Variants in ST6GAL2 observed in about 807,000 individuals in gnomAD.
ST6GAL2 encodes the protein beta-galactoside alpha-2,6-sialyltransferase 2.
Under a neutral mutation model 37.5 loss-of-function variants are expected in ST6GAL2, and 24 were observed. The ratio of observed to expected loss-of-function variants is 0.64; its 90% confidence interval spans 0.46 to 0.90. The LOEUF is 0.90. Ranked by LOEUF, ST6GAL2 falls within the 40% of genes least tolerant of loss-of-function variation. The probability of loss-of-function intolerance (pLI) is 0.00; values close to 1 mark genes in which losing one functional copy is unlikely to be tolerated. For synonymous variants in ST6GAL2, 306 were observed against 295.1 expected (o/e 1.04, Z -0.38); for missense variants, 715 against 712.7 (o/e 1.00, Z -0.04).
At chr2:106,850,545 C>A (rs897273873) in intron 1 of ST6GAL2, among the ~76,000 whole-genome samples, 2 of 152,196 alleles carry the variant, frequency 1.3e-5, no homozygotes, top group Non-Finnish European at 2.9e-5. Flanking sequence ...AAACCTTCTG[C>A]TGCCAATTGA....
chr2:106,883,454 T>C (rs1678833179), intron 1 of ST6GAL2, among the ~76,000 whole-genome samples: 1 of 152,204 alleles, frequency 6.6e-6, no homozygotes, highest in Admixed American at 6.5e-5. Context: ...ATATCAAAAA[T>C]TGGTGTAAGA....
intron 1 of ST6GAL2, among the ~76,000 whole-genome samples, chr2:106,845,852 A>G (rs1677122351): frequency 1.3e-5 from 2 of 152,112 alleles, no homozygotes; most frequent in African/African-American, 4.8e-5. Flanking sequence ...CTGTGGTGAT[A>G]CTATGCCAGT....
intron 1 of ST6GAL2, among the ~76,000 whole-genome samples, chr2:106,865,864 T>C (rs1678004405): frequency 2.0e-5 from 3 of 152,224 alleles, no homozygotes. Context: ...TGCTTATTCA[T>C]TTGTACACTG....
intron 1 of ST6GAL2, among the ~76,000 whole-genome samples, chr2:106,873,265 A>C (rs1350245126): frequency 6.6e-6 from 1 of 152,162 alleles, no homozygotes; most frequent in African/African-American, 2.4e-5. Context: ...CTTTAAGCTA[A>C]AGGTGTGTGT....
intron 2 of ST6GAL2, among the ~76,000 whole-genome samples, chr2:106,836,354 A>G (rs1339065334): frequency 6.6e-6 from 1 of 152,178 alleles, no homozygotes. Context: ...AGAACTGTGA[A>G]TATTCTTCTT....
intron 2 of ST6GAL2, among the ~76,000 whole-genome samples, chr2:106,840,094 C>A (rs190707993): frequency 3.9e-5 from 6 of 152,314 alleles, no homozygotes; most frequent in Admixed American, 3.9e-4. Flanking sequence ...CCTTTGACGT[C>A]AGCATGGAGA....
In ST6GAL2 at chr2:106,884,691, T is replaced by C. The variant is rs573662031; in HGVS notation, c.-58+1402A>G. Reference sequence around the variant, plus strand: ...AGTAAAATTCAAGGCACTTCACCTATTATTTTAGACTTTCATCAGTTTTGA... The same window carrying C: ...AGTAAAATTCAAGGCACTTCACCTACTATTTTAGACTTTCATCAGTTTTGA... On this transcript the variant is annotated intron_variant, in intron 1 of 5. Coordinates refer to ENST00000409382, the MANE Select transcript of ST6GAL2 (RefSeq NM_001142351.2). 2.6e-5 allele frequency among the ~76,000 whole-genome samples: 4 copies of C among 152,138 alleles called. No individual in the cohort carries two copies. In the South Asian group the frequency reaches 6.2e-4, roughly 24 times the overall value.
chr2:106,820,675 A>G (rs1409684649), intron 5 of ST6GAL2, among the ~76,000 whole-genome samples: 3 of 152,128 alleles, frequency 2.0e-5, no homozygotes, highest in Non-Finnish European at 4.4e-5. Flanking sequence ...GCTGCAGAAT[A>G]CACATTCTTT....
At chr2:106,830,361 A>G (rs1455480507) in intron 4 of ST6GAL2, 121 bp from the exon 5 acceptor site, 2 of 737,470 alleles carry the variant, frequency 2.7e-6, no homozygotes, top group Non-Finnish European at 4.5e-6. Context: ...GGGAAAGATC[A>G]TGACTCATGA....
At position 106,884,934 on chromosome 2, in the gene ST6GAL2, T is replaced by TATATACAC. The variant is rs1425070594; in HGVS notation, c.-58+1158_-58+1159insGTGTATAT. Among the ~76,000 whole-genome samples the TATATACAC allele has an allele frequency of 2.9e-3, 354 of 120,444 alleles. 10 individuals are homozygous for TATATACAC. Among genetic ancestry groups the TATATACAC allele is most frequent in the African/African-American group, 0.011 (306 of 28,150 alleles). The allele number at this position is 120,444 out of a possible 152,430, so 79.0% of individuals were successfully genotyped here. ...ATATATATATATATATATATATATA[T>TATATACAC]ACATACACACACACACATATATACA... On this transcript the variant is annotated intron_variant, in intron 1 of 5. Coordinates refer to ENST00000409382, the MANE Select transcript of ST6GAL2 (RefSeq NM_001142351.2).
chr2:106,862,527 G>GA lies in ST6GAL2; in HGVS notation c.-57-18494dup, dbSNP rs1027937461. Among the ~76,000 whole-genome samples, 23 of 150,770 alleles carry GA rather than the reference G, an allele frequency of 1.5e-4. No homozygotes were observed. The East Asian group carries it at 1.8e-3, about 11-fold the overall frequency. On this transcript the variant is annotated intron_variant, in intron 1 of 5. Coordinates refer to ENST00000409382, the MANE Select transcript of ST6GAL2 (RefSeq NM_001142351.2). ...GTAGGCTTATTACTTTGATTTCGAA[G>GA]AAAAAAAATACCCTAAAAATGTTCT...
At chr2:106,827,814 T>A (rs952164912) in intron 5 of ST6GAL2, among the ~76,000 whole-genome samples, 1 of 152,228 alleles carries the variant, frequency 6.6e-6, no homozygotes, top group African/African-American at 2.4e-5. Flanking sequence ...AGTAGCCATA[T>A]TGGTCAGTAC....
Position 106,805,030 on chromosome 2 carries a change from A to G in ST6GAL2, c.*1648T>C, listed in dbSNP as rs918812836. ...AAAACTTTCCAATTTCTCCTTCACT[A>G]TTATAGCAAGCTATAGGAGATGTCT... is the stretch of plus-strand genomic sequence containing the variant. On this transcript the variant is annotated 3_prime_UTR_variant, in exon 6 of 6. Coordinates refer to ENST00000409382, the MANE Select transcript of ST6GAL2 (RefSeq NM_001142351.2). 7 of 152,120 alleles carry G rather than the reference A, an allele frequency of 4.6e-5. No homozygotes were observed. Among genetic ancestry groups the G allele is most frequent in the African/African-American group, 1.7e-4 (7 of 41,404 alleles). 9.4% of individuals were successfully genotyped at this position (152,120 alleles called of 1,614,324 possible).
intron 1 of ST6GAL2, among the ~76,000 whole-genome samples, chr2:106,863,892 G>A (rs918818596): frequency 3.3e-5 from 5 of 152,194 alleles, no homozygotes; most frequent in Admixed American, 3.3e-4. Flanking sequence ...ATTTCTGGAA[G>A]TGTGGTGCCT....
intron 1 of ST6GAL2, among the ~76,000 whole-genome samples, chr2:106,876,385 T>C (rs1678503598): frequency 6.6e-6 from 1 of 152,214 alleles, no homozygotes; most frequent in African/African-American, 2.4e-5. Context: ...AAAATGAACT[T>C]CAGACAGCAT....
chr2:106,818,678 A>G (rs766416361), intron 5 of ST6GAL2, among the ~76,000 whole-genome samples: 8 of 152,194 alleles, frequency 5.3e-5, no homozygotes, highest in Non-Finnish European at 8.8e-5. Flanking sequence ...GAATGCCCAG[A>G]CACCAGAAAA....
chr2:106,820,239 A>G (rs1675950948), intron 5 of ST6GAL2, among the ~76,000 whole-genome samples: 1 of 152,078 alleles, frequency 6.6e-6, no homozygotes, highest in African/African-American at 2.4e-5. Flanking sequence ...CTTCACCAAT[A>G]AAGAGACACA....
At chr2:106,842,984 G>T in intron 2 of ST6GAL2, 51 bp downstream of exon 2, 1 of 1,291,018 alleles carries the variant, frequency 7.7e-7, no homozygotes, top group Admixed American at 4.0e-5. Context: ...CCGGCCCCCA[G>T]GGACACACTG....
chr2:106,832,940 G>A (rs1206734181), intron 3 of ST6GAL2, among the ~76,000 whole-genome samples: 3 of 152,000 alleles, frequency 2.0e-5, no homozygotes, highest in South Asian at 2.1e-4. Flanking sequence ...GATCCTGAAC[G>A]ATGCAACTCC....
Sources: gnomAD v4.1 joint callset for allele counts (sites outside exome capture counted in the v4.1 genomes callset) on GRCh38, gnomAD v4.1.1 for gene constraint, MANE v1.5 for transcripts, NCBI Gene and HGNC (gene_info 2026-07-23, HGNC 2026-07-21) for gene names.